The following CLSPN variants were observed in gnomAD, a reference collection of about 807,000 sequenced individuals.
CLSPN encodes claspin.
Under a neutral mutation model 156.3 loss-of-function variants are expected in CLSPN, and 85 were observed. That is an observed-to-expected ratio of 0.54 (90% CI 0.46 to 0.65). The LOEUF (loss-of-function observed/expected upper bound fraction) is 0.65. CLSPN is among the 30% of genes least tolerant of loss of function. CLSPN has a pLI of 0.00. For synonymous variants in CLSPN, 534 were observed against 542.4 expected (o/e 0.98, Z 0.22); for missense variants, 1,407 against 1,554.9 (o/e 0.90, Z 1.60).
chr1:35,751,315 TCTC>T lies in CLSPN; in HGVS notation c.1960_1962del (p.Glu654del), dbSNP rs770489505. 23 of 1,586,902 alleles carry T rather than the reference TCTC, an allele frequency of 1.4e-5. No individual in the cohort carries two copies. The highest frequency in any genetic ancestry group is 2.0e-5 in the Non-Finnish European group (23 of 1,163,572). ...TCCTCTTCCTCTAGTTCTTCCTCTT[TCTC>T]TTCTTTCTCTACCTTCTCTTCTCCA... is the stretch of plus-strand genomic sequence containing the variant. On this transcript the variant is annotated inframe_deletion, in exon 10 of 25. Coordinates refer to ENST00000318121, the MANE Select transcript of CLSPN (RefSeq NM_022111.4).
At position 35,764,470 on chromosome 1, in the gene CLSPN, C is replaced by A. The variant is rs774950860; in HGVS notation, c.378G>T (p.Ala126=). ...TCAGCTCTAAGCAAGGTTTCACTTG[C>A]GCTTCAAGATTTTCCTGATACAAAG... ...EKSLYQENLE[A]QVKPCLELSL... The change falls in exon 3 of 25, where the codon GCG becomes GCT. Residue 126 remains alanine (A), a synonymous_variant. Coordinates refer to ENST00000318121, the MANE Select transcript of CLSPN (RefSeq NM_022111.4). The A allele has an allele frequency of 1.2e-6, 2 of 1,613,940 alleles. No homozygotes were observed. The highest frequency in any genetic ancestry group is 2.2e-5 in the East Asian group (1 of 44,880).
intron 8 of CLSPN, 77 bp downstream of exon 8, chr1:35,760,265 G>A (rs966365580): frequency 3.5e-6 from 4 of 1,157,706 alleles, no homozygotes; most frequent in Admixed American, 4.4e-5. Flanking sequence ...TGTGTTCTCT[G>A]TCCTCGACAG....
chr1:35,758,175 T>C (rs555399924), intron 8 of CLSPN, among the ~76,000 whole-genome samples: 2 of 143,930 alleles, frequency 1.4e-5, no homozygotes, highest in Admixed American at 1.4e-4. Flanking sequence ...TTTTTTGTGT[T>C]TTTTTTTTTT....
intron 1 of CLSPN, among the ~76,000 whole-genome samples, chr1:35,765,593 C>G (rs531752238): frequency 3.9e-5 from 6 of 152,064 alleles, no homozygotes; most frequent in Admixed American, 1.3e-4. Flanking sequence ...TATGCCTTTT[C>G]TGTGTGAACT....
chr1:35,746,635 C>T lies in CLSPN; in HGVS notation c.2854+131G>A, dbSNP rs966642801. The T allele has an allele frequency of 1.3e-5, 8 of 635,072 alleles. No homozygotes were observed. The highest frequency in any genetic ancestry group is 2.2e-5 in the Non-Finnish European group (8 of 358,106). 39.3% of individuals were successfully genotyped at this position (635,072 alleles called of 1,614,324 possible). On this transcript the variant is annotated intron_variant, in intron 15 of 24. Transcript: ENST00000318121. This position sits in a 1 kb window ranked among gnomAD's most constrained non-coding sequence, Gnocchi z 4.2. The stretch of plus-strand genomic sequence containing the variant: ...CTGGTCTCAAACTTCTGAGCTCAAG[C>T]GATCCATCCAACTTAGCCTCCCAAA...
intron 15 of CLSPN, 115 bp from the exon 16 acceptor site, chr1:35,745,677 G>A (rs1255537794): frequency 5.7e-6 from 4 of 697,098 alleles, no homozygotes; most frequent in South Asian, 3.4e-5. Context: ...TTGCCAAGAA[G>A]AGCCTACCAT....
Position 35,760,536 on chromosome 1 carries a change from T to A in CLSPN, c.1385A>T (p.Gln462Leu). 1 of 1,614,230 alleles carries A rather than the reference T, an allele frequency of 6.2e-7. No individual in the cohort carries two copies. Among genetic ancestry groups the A allele is most frequent in the Non-Finnish European group, 8.5e-7 (1 of 1,180,050 alleles). Residue 462 changes from glutamine to leucine, a missense_variant, in exon 8 of 25, where the codon CAA becomes CTA. Around this residue, in one of 3 missense-constraint regions of CLSPN, gnomAD observed 1,096 missense variants for 1,193.0 expected, o/e 0.92. Coordinates refer to ENST00000318121, the MANE Select transcript of CLSPN (RefSeq NM_022111.4). Reference sequence around the variant, plus strand: ...TTTCTCATCTGTTTCTTCTGGATTTTGGGGGCCTTCACCCTCCAGGGCATG... The same window carrying A: ...TTTCTCATCTGTTTCTTCTGGATTTAGGGGGCCTTCACCCTCCAGGGCATG... Reference protein sequence around the residue: ...EPHALEGEGPQNPEETDEKVE... With the variant: ...EPHALEGEGPLNPEETDEKVE...
At chr1:35,761,022 G>T in intron 7 of CLSPN, 74 bp downstream of exon 7, 2 of 1,424,854 alleles carry the variant, frequency 1.4e-6, no homozygotes, top group South Asian at 1.2e-5. Context: ...TGAGAAATCT[G>T]AACTTTTTAT....
At position 35,734,797 on chromosome 1, in the gene CLSPN, C is replaced by T. The variant is rs1334528507; in HGVS notation, c.*1699G>A. 1 of 985,104 alleles carries T rather than the reference C, an allele frequency of 1.0e-6. No individual in the cohort carries two copies. Among genetic ancestry groups the T allele is most frequent in the African/African-American group, 1.7e-5 (1 of 57,200 alleles). 61.0% of individuals were successfully genotyped at this position (985,104 alleles called of 1,614,324 possible). On this transcript the variant is annotated 3_prime_UTR_variant, in exon 25 of 25. Transcript: ENST00000318121. The stretch of plus-strand genomic sequence containing the variant: ...GGTGTTCCCATCTCCCAGTAAAAAA[C>T]TGGCACACTCTCTTCCAACTGCCCA...
intron 9 of CLSPN, 45 bp from the exon 10 acceptor site, chr1:35,751,551 T>A (rs766562215): frequency 1.9e-6 from 3 of 1,564,330 alleles, no homozygotes; most frequent in Middle Eastern, 1.7e-4. Flanking sequence ...ATACAATAAT[T>A]AGGTATGCAT....
At position 35,765,238 on chromosome 1, in the gene CLSPN, A is replaced by G. The variant is rs141731663; in HGVS notation, c.113T>C (p.Ile38Thr). The G allele has an allele frequency of 7.3e-5, 118 of 1,612,910 alleles. No individual in the cohort carries two copies. Among genetic ancestry groups the G allele is most frequent in the African/African-American group, 5.9e-4 (44 of 75,012 alleles). The change falls in exon 2 of 25, where the codon ATT becomes ACT. Residue 38 changes from isoleucine to threonine, a missense_variant. Ile to Thr is a moderately conservative substitution (Grantham distance 89). Coordinates refer to ENST00000318121, the MANE Select transcript of CLSPN (RefSeq NM_022111.4). ...SDSGQGSYET[I>T]GPLSEGDSDE... Reference sequence around the variant, plus strand: ...CAAACCTCCTTCACTCAAGGGTCCAATTGTTTCATAGCTGCCCTGTCCACT... The same window carrying G: ...CAAACCTCCTTCACTCAAGGGTCCAGTTGTTTCATAGCTGCCCTGTCCACT...
At chr1:35,759,266 G>C (rs1163535217) in intron 8 of CLSPN, among the ~76,000 whole-genome samples, 5 of 152,206 alleles carry the variant, frequency 3.3e-5, no homozygotes, top group Non-Finnish European at 7.3e-5. Context: ...AGTATAAAGG[G>C]AAGGCAGTGA....
chr1:35,757,057 A>G (rs1443070169), intron 8 of CLSPN, among the ~76,000 whole-genome samples: 1 of 152,140 alleles, frequency 6.6e-6, no homozygotes, highest in Non-Finnish European at 1.5e-5. Context: ...TGACATCTGC[A>G]GGTCCAACCC....
At chr1:35,739,078 C>T in intron 20 of CLSPN, 58 bp downstream of exon 20, 4 of 1,602,024 alleles carry the variant, frequency 2.5e-6, no homozygotes, top group Admixed American at 1.7e-5. Flanking sequence ...GGATTACAGG[C>T]GTGAGCCACC....
intron 3 of CLSPN, among the ~76,000 whole-genome samples, chr1:35,763,863 A>C (rs1260988082): frequency 3.3e-5 from 5 of 151,078 alleles, no homozygotes; most frequent in Non-Finnish European, 5.9e-5. Flanking sequence ...GTACAATTAC[A>C]GCTTCATTGC....
chr1:35,743,539 T>C lies in CLSPN; in HGVS notation c.2967-9A>G. ...CCTCGTCTTCCTCTTCCCTAAAATG[T>C]AAATCAATGAATCAATAAATAAGTT... On this transcript the variant is annotated splice_polypyrimidine_tract_variant and intron_variant, in intron 16 of 24. Coordinates refer to ENST00000318121, the MANE Select transcript of CLSPN (RefSeq NM_022111.4). The C allele has an allele frequency of 6.2e-7, 1 of 1,606,532 alleles. No homozygotes were observed. The highest frequency in any genetic ancestry group is 1.3e-5 in the African/African-American group (1 of 74,866).
chr1:35,735,844 CA>C lies in CLSPN; in HGVS notation c.*651del, dbSNP rs1464207734. The C allele has an allele frequency of 7.1e-6, 7 of 985,188 alleles. No homozygotes were observed. The East Asian group carries it at 6.8e-4, about 96-fold the overall frequency. The allele number at this position is 985,188 out of a possible 1,614,324, so 61.0% of individuals were successfully genotyped here. A position where few individuals can be genotyped will look rare whatever the true frequency, so the allele number is the denominator to read the frequency against. On this transcript the variant is annotated 3_prime_UTR_variant, in exon 25 of 25. Transcript: ENST00000318121. Reference sequence around the variant, plus strand: ...ACACTTTTCCCTACTCTTCCTCTTCCAACCACTTCTATCAATCACAAAGAGA... The same window carrying C: ...ACACTTTTCCCTACTCTTCCTCTTCCACCACTTCTATCAATCACAAAGAGA...
chr1:35,761,445 G>A lies in CLSPN; in HGVS notation c.896-241C>T, dbSNP rs189939739. Among the ~76,000 whole-genome samples, 18 of 152,186 alleles carry A rather than the reference G, an allele frequency of 1.2e-4. No individual in the cohort carries two copies. The East Asian group carries it at 1.9e-3, about 16-fold the overall frequency. ...AATACAGATTCTTGGATCCCATTTC[G>A]AATCTACTGAATCAGAATCTCTGTG... On this transcript the variant is annotated intron_variant, in intron 6 of 24. Coordinates refer to ENST00000318121, the MANE Select transcript of CLSPN (RefSeq NM_022111.4).
intron 24 of CLSPN, among the ~76,000 whole-genome samples, chr1:35,724,412 G>T (rs1641135218): frequency 6.6e-6 from 1 of 152,238 alleles, no homozygotes; most frequent in Non-Finnish European, 1.5e-5. Flanking sequence ...AGAAGATAAA[G>T]TTGGCCCAGT....
Sources: gnomAD v4.1 joint callset for allele counts (sites outside exome capture counted in the v4.1 genomes callset) on GRCh38, gnomAD v4.1.1 for gene constraint, gnomAD v4.1.1 regional missense constraint, Gnocchi (gnomAD v3.1) non-coding constraint, MANE v1.5 for transcripts, NCBI Gene and HGNC (gene_info 2026-07-23, HGNC 2026-07-21) for gene names.